PLEKHG7: variants seen among roughly 807,000 people sequenced by gnomAD.
The protein encoded by PLEKHG7 is pleckstrin homology and RhoGEF domain containing G7.
Under a neutral mutation model 85.2 loss-of-function variants are expected in PLEKHG7, and 77 were observed. That is an observed-to-expected ratio of 0.90 (90% confidence interval 0.75 to 1.09). The LOEUF is 1.09. Ranked by LOEUF, PLEKHG7 falls within the 50% of genes least tolerant of loss-of-function variation. The probability of loss-of-function intolerance (pLI) is 0.00; values close to 1 mark genes in which losing one functional copy is unlikely to be tolerated. For missense variants in PLEKHG7, 777 were observed against 804.3 expected, an observed-to-expected ratio of 0.97 and a Z score of 0.41; for synonymous variants, 301 against 302.4, an observed-to-expected ratio of 1.00 and a Z score of 0.05.
At chr12:92,756,818 A>T (rs150404700) in intron 13 of PLEKHG7, among the ~76,000 whole-genome samples, 1 of 152,200 alleles carries the variant, frequency 6.6e-6, no homozygotes, top group Admixed American at 6.5e-5. Flanking sequence ...CTATTGGAAG[A>T]TATAAAAACT....
chr12:92,736,952 A>G (rs1872169327), intron 6 of PLEKHG7, among the ~76,000 whole-genome samples: 1 of 152,172 alleles, frequency 6.6e-6, no homozygotes, highest in Non-Finnish European at 1.5e-5. Flanking sequence ...CTCTCACTTC[A>G]TGCTTCTTCA....
rs529129418 is a variant in PLEKHG7, at chr12:92,723,786, C to G, written c.531-5207C>G. Among the ~76,000 whole-genome samples, 26 of 152,208 alleles carry G rather than the reference C, an allele frequency of 1.7e-4. No homozygotes were observed. In the East Asian group the frequency reaches 4.6e-3, roughly 27 times the overall value. ...ACTATAGAAGCATGGAACAGAAACA[C>G]AGAAGCCATCCAAGAAGGGGTTGGG... On this transcript the variant is annotated intron_variant, in intron 3 of 16. Transcript: ENST00000344636.
At chr12:92,755,486 A>ATT (rs140467843) in intron 11 of PLEKHG7, among the ~76,000 whole-genome samples, 1 of 150,592 alleles carries the variant, frequency 6.6e-6, no homozygotes, top group African/African-American at 2.4e-5. Flanking sequence ...TGTTAGTCTG[A>ATT]TTTTTTTTTT....
chr12:92,703,868 C>T (rs987276498), intron 1 of PLEKHG7, among the ~76,000 whole-genome samples: 1 of 152,020 alleles, frequency 6.6e-6, no homozygotes, highest in East Asian at 1.9e-4. Flanking sequence ...TGTGTCTGAA[C>T]GACTACAAAG....
chr12:92,761,046 C>A (rs1872974901), intron 13 of PLEKHG7, among the ~76,000 whole-genome samples: 1 of 152,130 alleles, frequency 6.6e-6, no homozygotes, highest in Non-Finnish European at 1.5e-5. Flanking sequence ...GTGGAGGTAT[C>A]CGGTGTCTCA....
At chr12:92,751,712 C>A (rs1872695071) in intron 10 of PLEKHG7, among the ~76,000 whole-genome samples, 1 of 151,806 alleles carries the variant, frequency 6.6e-6, no homozygotes, top group Non-Finnish European at 1.5e-5. Context: ...TGATGAAGAG[C>A]CCAGGATGTT....
chr12:92,722,919 C>T (rs573596251), intron 3 of PLEKHG7, among the ~76,000 whole-genome samples: 138 of 152,048 alleles, frequency 9.1e-4, no homozygotes, highest in African/African-American at 2.8e-3. Flanking sequence ...GAATCTTCAA[C>T]GTGTTTATTA....
chr12:92,707,303 T>C, intron 2 of PLEKHG7, 165 bp downstream of exon 2: 1 of 1,431,268 alleles, frequency 7.0e-7, no homozygotes, highest in Admixed American at 2.9e-5. Flanking sequence ...GGCTCTTAAG[T>C]GAAAGGAGGG....
At chr12:92,708,025 T>A (rs1468478084) in intron 3 of PLEKHG7, 1 of 303,754 alleles carries the variant, frequency 3.3e-6, no homozygotes, top group Non-Finnish European at 6.1e-6. Context: ...CAAAGAAAAA[T>A]TTGGAGGATA....
intron 3 of PLEKHG7, among the ~76,000 whole-genome samples, chr12:92,710,802 A>T (rs1054492639): frequency 9.2e-5 from 14 of 152,192 alleles, no homozygotes; most frequent in African/African-American, 3.4e-4. Flanking sequence ...TACTTTGTTC[A>T]TGGGCCCATC....
intron 9 of PLEKHG7, among the ~76,000 whole-genome samples, chr12:92,742,543 A>G (rs965615829): frequency 1.3e-5 from 2 of 152,000 alleles, no homozygotes; most frequent in African/African-American, 4.8e-5. Flanking sequence ...TGAACATTGA[A>G]AATGGGCTTA....
At chr12:92,753,479 C>T (rs889502730) in intron 10 of PLEKHG7, among the ~76,000 whole-genome samples, 4 of 152,132 alleles carry the variant, frequency 2.6e-5, no homozygotes, top group Non-Finnish European at 4.4e-5. Flanking sequence ...TTCTTGTCTT[C>T]CCCGGTGCTG....
chr12:92,760,517 CAAT>C (rs1872956243), intron 13 of PLEKHG7, among the ~76,000 whole-genome samples: 1 of 151,832 alleles, frequency 6.6e-6, no homozygotes, highest in Non-Finnish European at 1.5e-5. Flanking sequence ...ACTTCTAGAA[CAAT>C]ATATATATAT....
chr12:92,724,148 TTA>T (rs1254679723), intron 3 of PLEKHG7, among the ~76,000 whole-genome samples: 2 of 152,316 alleles, frequency 1.3e-5, no homozygotes, highest in African/African-American at 4.8e-5. Flanking sequence ...ACTCAGCATT[TTA>T]TGTTATGTAA....
At chr12:92,708,952 C>T (rs554511279) in intron 3 of PLEKHG7, among the ~76,000 whole-genome samples, 2 of 152,098 alleles carry the variant, frequency 1.3e-5, no homozygotes, top group Non-Finnish European at 2.9e-5. Flanking sequence ...CAGAATAAAG[C>T]TCTCAGATGA....
intron 3 of PLEKHG7, among the ~76,000 whole-genome samples, chr12:92,714,122 G>T (rs541250656): frequency 6.6e-6 from 1 of 152,322 alleles, no homozygotes; most frequent in South Asian, 2.1e-4. Context: ...TCCAGTTACA[G>T]GTCTAGAGGC....
In PLEKHG7 at chr12:92,706,614, G is replaced by C; in HGVS notation, c.-18G>C. The C allele has an allele frequency of 6.3e-7, 1 of 1,585,618 alleles. No homozygotes were observed. The highest frequency in any genetic ancestry group is 8.6e-7 in the Non-Finnish European group (1 of 1,166,572). ...CGTCTTCTGGAACCTTCTACCAACA[G>C]TAGAACCTCTTAGCTTTATGGAGAA... On this transcript the variant is annotated 5_prime_UTR_variant, in exon 2 of 17. Coordinates refer to ENST00000344636, the MANE Select transcript of PLEKHG7 (RefSeq NM_001377329.1).
At chr12:92,754,337 C>A in intron 11 of PLEKHG7, 73 bp downstream of exon 11, 1 of 1,428,786 alleles carries the variant, frequency 7.0e-7, no homozygotes, top group South Asian at 1.3e-5. Flanking sequence ...TCTGGGCTTC[C>A]ATCCTAGGAG....
intron 3 of PLEKHG7, among the ~76,000 whole-genome samples, chr12:92,726,350 G>C (rs1871815640): frequency 6.6e-6 from 1 of 152,192 alleles, no homozygotes; most frequent in African/African-American, 2.4e-5. Context: ...AAAAGGGTGT[G>C]ACAAACCTGG....
Sources: allele counts gnomAD v4.1 joint callset (sites outside exome capture counted in the v4.1 genomes callset), GRCh38; gene constraint gnomAD v4.1.1; transcripts MANE v1.5; gene names NCBI Gene and HGNC (gene_info 2026-07-23, HGNC 2026-07-21).